Variants in ZNF804A observed in about 807,000 individuals in gnomAD.
The protein encoded by ZNF804A is zinc finger protein 804A.
In ZNF804A, 2 loss-of-function variants were observed where a neutral mutation model predicts 16.5. The ratio of observed to expected loss-of-function variants is 0.12; its 90% CI spans 0.05 to 0.38. The LOEUF is 0.38. Among genes scored for constraint, ZNF804A ranks in the 10% least tolerant of loss-of-function variants. ZNF804A has a pLI of 0.99. For missense variants in ZNF804A, 1,473 were observed against 1,390.7 expected, an observed-to-expected ratio of 1.06 and a Z score of -0.94; for synonymous variants, 534 against 489.6, an observed-to-expected ratio of 1.09 and a Z score of -1.20.
chr2:184,707,215 TC>T (rs1302466286), intron 1 of ZNF804A, among the ~76,000 whole-genome samples: 1 of 152,138 alleles, frequency 6.6e-6, no homozygotes, highest in African/African-American at 2.4e-5. Context: ...ACCTAGCCAC[TC>T]TTAATATGTG....
chr2:184,858,020 G>T (rs894680913), intron 1 of ZNF804A, among the ~76,000 whole-genome samples: 1 of 151,948 alleles, frequency 6.6e-6, no homozygotes, highest in Non-Finnish European at 1.5e-5. Context: ...TTATTTTGTA[G>T]ATCTTTTGTT....
rs1458518391 is a variant in ZNF804A at position 184,746,111 on chromosome 2, A to C, written c.112-120258A>C. 4.0e-5 allele frequency among the ~76,000 whole-genome samples: 6 copies of C among 151,574 alleles called. No homozygotes were observed. The East Asian group carries it at 9.7e-4, about 24-fold the overall frequency. ...TGAAACATAATATTTGATAAAATAC[A>C]TACACACATATTTGATAAAATCTGG... On this transcript the variant is annotated intron_variant, in intron 1 of 3. Coordinates refer to ENST00000302277, the MANE Select transcript of ZNF804A (RefSeq NM_194250.2).
chr2:184,621,190 A>G (rs577170927), intron 1 of ZNF804A, among the ~76,000 whole-genome samples: 15 of 151,888 alleles, frequency 9.9e-5, no homozygotes, highest in South Asian at 4.1e-4. Flanking sequence ...ATTTAGAAAA[A>G]TAACTTTCCA....
At chr2:184,721,528 A>G (rs1693314971) in intron 1 of ZNF804A, among the ~76,000 whole-genome samples, 2 of 152,150 alleles carry the variant, frequency 1.3e-5, no homozygotes, top group South Asian at 4.1e-4. Context: ...TAAAACCACA[A>G]TGAGTTATCA....
rs896986629 is a variant in ZNF804A, at chr2:184,795,356, A to T, written c.112-71013A>T. ...AAACAAAATCAAGGTGGAAATTAAA[A>T]ATTTATTTGAACCAAATGGCAATAG... On this transcript the variant is annotated intron_variant, in intron 1 of 3. Coordinates refer to ENST00000302277, the MANE Select transcript of ZNF804A (RefSeq NM_194250.2). Among the ~76,000 whole-genome samples the T allele has an allele frequency of 4.0e-5, 6 of 150,856 alleles. No homozygotes were observed. In the East Asian group the frequency reaches 9.7e-4, roughly 24 times the overall value.
intron 1 of ZNF804A, among the ~76,000 whole-genome samples, chr2:184,859,770 T>C (rs565642762): frequency 3.2e-4 from 48 of 152,334 alleles, no homozygotes; most frequent in African/African-American, 9.6e-4. Context: ...GTCCAGAGAT[T>C]CTGAGCAGGC....
At chr2:184,603,422 A>T (rs536377821) in intron 1 of ZNF804A, among the ~76,000 whole-genome samples, 1 of 152,366 alleles carries the variant, frequency 6.6e-6, no homozygotes, top group Admixed American at 6.5e-5. Flanking sequence ...GTATATAGGA[A>T]CACACTAAAA....
At chr2:184,910,352 A>G (rs1199507898) in intron 2 of ZNF804A, among the ~76,000 whole-genome samples, 1 of 151,908 alleles carries the variant, frequency 6.6e-6, no homozygotes, top group African/African-American at 2.4e-5. Flanking sequence ...AATATGCCAC[A>G]TTTTCTCCAT....
Position 184,697,170 on chromosome 2 carries a change from T to C in ZNF804A, c.111+98100T>C, listed in dbSNP as rs774526974. On this transcript the variant is annotated intron_variant, in intron 1 of 3. Coordinates refer to ENST00000302277, the MANE Select transcript of ZNF804A (RefSeq NM_194250.2). ...AACAGTTTAAAGATTGTAGCTATTA[T>C]TATTGCAAGATAATAATTAATAGCA... 6.1e-4 allele frequency among the ~76,000 whole-genome samples: 93 copies of C among 152,090 alleles called. 2 individuals carry two copies. The highest frequency in any genetic ancestry group is 7.2e-4 in the Admixed American group (11 of 15,262).
At chr2:184,890,936 C>A (rs1454541120) in intron 2 of ZNF804A, among the ~76,000 whole-genome samples, 1 of 151,450 alleles carries the variant, frequency 6.6e-6, no homozygotes, top group African/African-American at 2.4e-5. Context: ...ATATATTATA[C>A]CCATTATATG....
intron 1 of ZNF804A, among the ~76,000 whole-genome samples, chr2:184,627,012 C>T (rs914310617): frequency 2.6e-5 from 4 of 151,928 alleles, no homozygotes; most frequent in African/African-American, 9.7e-5. Context: ...GTTCTCTAAA[C>T]GAAATTTCTT....
chr2:184,698,813 G>A (rs936755358), intron 1 of ZNF804A, among the ~76,000 whole-genome samples: 2 of 152,078 alleles, frequency 1.3e-5, no homozygotes, highest in Non-Finnish European at 2.9e-5. Context: ...ATGCAATACT[G>A]TCCGTAGGTA....
At chr2:184,903,734 T>C (rs1021191047) in intron 2 of ZNF804A, among the ~76,000 whole-genome samples, 4 of 152,162 alleles carry the variant, frequency 2.6e-5, no homozygotes, top group Non-Finnish European at 5.9e-5. Context: ...GATTGACATA[T>C]GAAAAGCAGT....
intron 1 of ZNF804A, among the ~76,000 whole-genome samples, chr2:184,707,143 C>T (rs1168684443): frequency 6.6e-6 from 1 of 152,108 alleles, no homozygotes; most frequent in Non-Finnish European, 1.5e-5. Context: ...GGAAATATTA[C>T]ATTGAAGAAC....
intron 1 of ZNF804A, among the ~76,000 whole-genome samples, chr2:184,703,607 G>A (rs552813422): frequency 6.8e-6 from 1 of 146,762 alleles, no homozygotes; most frequent in South Asian, 2.2e-4. Context: ...GGAGAATGGC[G>A]TGAACCCAGG....
intron 1 of ZNF804A, among the ~76,000 whole-genome samples, chr2:184,687,086 A>G (rs1692648571): frequency 6.6e-6 from 1 of 152,220 alleles, no homozygotes; most frequent in Non-Finnish European, 1.5e-5. Flanking sequence ...TAATAAAAAA[A>G]TTCTTTGCCA....
chr2:184,831,387 A>G (rs16826219), intron 1 of ZNF804A, among the ~76,000 whole-genome samples: 48,658 of 151,792 alleles, frequency 0.32, 10,577 homozygotes, highest in African/African-American at 0.62. Flanking sequence ...CTGATTGTTG[A>G]TTATGTTATA....
intron 1 of ZNF804A, among the ~76,000 whole-genome samples, chr2:184,676,480 G>A (rs1692438170): frequency 6.6e-6 from 1 of 151,216 alleles, no homozygotes; most frequent in African/African-American, 2.4e-5. Context: ...TACAATATTA[G>A]GTTGATAATT....
At position 184,938,217 on chromosome 2, in the gene ZNF804A, G is replaced by A. The variant is rs1157606887; in HGVS notation, c.2821G>A (p.Glu941Lys). 3 of 1,613,948 alleles carry A rather than the reference G, an allele frequency of 1.9e-6. No individual in the cohort carries two copies. Among genetic ancestry groups the A allele is most frequent in the Non-Finnish European group, 2.5e-6 (3 of 1,180,026 alleles). ...NTLLEHKERS[E>K]NINLNEKQIP... ...CCTGCTTGAACACAAAGAAAGAAGT[G>A]AGAATATAAATCTTAATGAAAAGCA... Residue 941 changes from glutamate to lysine, a missense_variant, in exon 4 of 4, where the codon GAG becomes AAG. Glu to Lys is a moderately conservative substitution (Grantham distance 56). Transcript: ENST00000302277.
Sources: allele counts gnomAD v4.1 joint callset (sites outside exome capture counted in the v4.1 genomes callset), GRCh38; gene constraint gnomAD v4.1.1; transcripts MANE v1.5; gene names NCBI Gene and HGNC (gene_info 2026-07-23, HGNC 2026-07-21).